Variants in ARHGAP22 observed in about 807,000 individuals in gnomAD.
The protein encoded by ARHGAP22 is rho GTPase-activating protein 22.
In ARHGAP22, 48 loss-of-function variants were observed where a neutral mutation model predicts 59.1. The observed-to-expected ratio is 0.81, with a 90% confidence interval of 0.64 to 1.03. ARHGAP22 has a LOEUF of 1.03. Ranked by LOEUF, ARHGAP22 falls within the 50% of genes least tolerant of loss-of-function variation. ARHGAP22 has a pLI of 0.00. For missense variants in ARHGAP22, 1,015 were observed against 958.7 expected, an observed-to-expected ratio of 1.06 and a Z score of -0.78; for synonymous variants, 445 against 416.4, an observed-to-expected ratio of 1.07 and a Z score of -0.84.
At chr10:48,504,861 G>C (rs1385260463) in intron 3 of ARHGAP22, among the ~76,000 whole-genome samples, 1 of 152,066 alleles carries the variant, frequency 6.6e-6, no homozygotes, top group Non-Finnish European at 1.5e-5. Flanking sequence ...CATAAGTTGG[G>C]GGTGAGCTGA....
At chr10:48,613,684 AG>A (rs1379670845) in intron 1 of ARHGAP22, among the ~76,000 whole-genome samples, 1 of 151,056 alleles carries the variant, frequency 6.6e-6, no homozygotes, top group Non-Finnish European at 1.5e-5. Flanking sequence ...AAAAAAAAAA[AG>A]AATAGAAAAA....
At chr10:48,590,978 C>T (rs959584670) in intron 1 of ARHGAP22, among the ~76,000 whole-genome samples, 12 of 152,268 alleles carry the variant, frequency 7.9e-5, no homozygotes, top group African/African-American at 2.2e-4. Context: ...CTCAGATGTT[C>T]GAATTGAGGC....
chr10:48,514,778 A>C (rs2053126544), intron 3 of ARHGAP22, among the ~76,000 whole-genome samples: 1 of 152,230 alleles, frequency 6.6e-6, no homozygotes, highest in Non-Finnish European at 1.5e-5. Flanking sequence ...AGATATAGTT[A>C]GTATGGCAAT....
intron 2 of ARHGAP22, among the ~76,000 whole-genome samples, chr10:48,561,893 G>A (rs1039443183): frequency 2.6e-5 from 4 of 152,190 alleles, no homozygotes; most frequent in African/African-American, 9.7e-5. Context: ...AATGTTAAAC[G>A]ACAATCACTT....
intron 1 of ARHGAP22, among the ~76,000 whole-genome samples, chr10:48,600,480 T>C (rs1259774513): frequency 1.3e-5 from 2 of 151,940 alleles, no homozygotes; most frequent in African/African-American, 4.8e-5. Context: ...CATTTTACTC[T>C]GTAAATTATG....
At chr10:48,577,128 GA>G (rs1278197850) in intron 2 of ARHGAP22, among the ~76,000 whole-genome samples, 1 of 151,812 alleles carries the variant, frequency 6.6e-6, no homozygotes, top group Non-Finnish European at 1.5e-5. Flanking sequence ...CTTCTTCCTA[GA>G]AGTGTCAAGT....
chr10:48,615,954 GAA>G (rs58490945), intron 1 of ARHGAP22, among the ~76,000 whole-genome samples: 39 of 125,822 alleles, frequency 3.1e-4, no homozygotes, highest in African/African-American at 7.8e-4. Flanking sequence ...CTGAGGAACA[GAA>G]AAAAAAAAAA....
At position 48,454,136 on chromosome 10, in the gene ARHGAP22, A is replaced by G; in HGVS notation, c.818T>C (p.Val273Ala). Residue 273 changes from valine to alanine, a missense_variant, in exon 7 of 10, where the codon GTG (valine) becomes GCG (alanine). Val to Ala is a moderately conservative substitution (Grantham distance 64). Transcript: ENST00000249601. Reference sequence around the variant, plus strand: ...GTAATTTGCCTGAGGAAGGTTGCTCACTTGTTTAGCCAACTCCAGAGTGCC... The same window carrying G: ...GTAATTTGCCTGAGGAAGGTTGCTCGCTTGTTTAGCCAACTCCAGAGTGCC... ...GEGTLELAKQ[V>A]SNLPQANYNL... is the part of the protein sequence containing the mutation. 1 of 1,614,046 alleles carries G rather than the reference A, an allele frequency of 6.2e-7. No homozygotes were observed. The highest frequency in any genetic ancestry group is 1.1e-5 in the South Asian group (1 of 91,078).
At chr10:48,480,862 C>T (rs1438954100) in intron 3 of ARHGAP22, among the ~76,000 whole-genome samples, 1 of 152,244 alleles carries the variant, frequency 6.6e-6, no homozygotes, top group Non-Finnish European at 1.5e-5. Context: ...ACTCTGGGCT[C>T]TCAGCCATCC....
chr10:48,470,990 A>C (rs1435094608), intron 4 of ARHGAP22, among the ~76,000 whole-genome samples: 1 of 152,220 alleles, frequency 6.6e-6, no homozygotes, highest in Non-Finnish European at 1.5e-5. Context: ...CATTCCATCA[A>C]ATGATGACCA....
At chr10:48,480,552 C>T (rs142366842) in intron 3 of ARHGAP22, among the ~76,000 whole-genome samples, 5 of 152,356 alleles carry the variant, frequency 3.3e-5, no homozygotes, top group African/African-American at 9.6e-5. Flanking sequence ...GATCCACAGA[C>T]CTGTGTTCCC....
chr10:48,600,345 T>C (rs1367800866), intron 1 of ARHGAP22, among the ~76,000 whole-genome samples: 1 of 152,138 alleles, frequency 6.6e-6, no homozygotes, highest in African/African-American at 2.4e-5. Context: ...CAGAAAAGTG[T>C]CACTCTGGTT....
intron 1 of ARHGAP22, among the ~76,000 whole-genome samples, chr10:48,600,471 A>C (rs187353940): frequency 6.6e-6 from 1 of 152,096 alleles, no homozygotes; most frequent in East Asian, 1.9e-4. Context: ...AGATTTGTGC[A>C]TTTTACTCTG....
At chr10:48,531,283 G>A (rs2054822690) in intron 3 of ARHGAP22, among the ~76,000 whole-genome samples, 1 of 152,196 alleles carries the variant, frequency 6.6e-6, no homozygotes, top group Non-Finnish European at 1.5e-5. Flanking sequence ...AGGGTGGCAG[G>A]AGGCTGAGGG....
At chr10:48,469,282 A>G (rs1340009683) in intron 4 of ARHGAP22, among the ~76,000 whole-genome samples, 1 of 152,200 alleles carries the variant, frequency 6.6e-6, no homozygotes, top group Non-Finnish European at 1.5e-5. Flanking sequence ...GGCCCTGCCA[A>G]TGCCCACCCC....
chr10:48,434,091 G>A, the ARHGAP22 span, among the ~76,000 whole-genome samples: 1 of 152,154 alleles, frequency 6.6e-6, no homozygotes, highest in Admixed American at 6.5e-5. Flanking sequence ...GAGGATTTCT[G>A]TCTCGAGCTC....
chr10:48,560,248 G>A (rs575308749), intron 2 of ARHGAP22, among the ~76,000 whole-genome samples: 9 of 152,252 alleles, frequency 5.9e-5, no homozygotes, highest in African/African-American at 2.2e-4. Flanking sequence ...AATGCCTACT[G>A]GGATTGTGAT....
intron 2 of ARHGAP22, among the ~76,000 whole-genome samples, chr10:48,568,212 G>A (rs1588822984): frequency 6.6e-6 from 1 of 152,162 alleles, no homozygotes; most frequent in African/African-American, 2.4e-5. Flanking sequence ...CGTGTAGTAC[G>A]CACTTCCTGC....
intron 3 of ARHGAP22, among the ~76,000 whole-genome samples, chr10:48,518,155 G>A (rs1867583): frequency 6.6e-6 from 1 of 151,990 alleles, no homozygotes; most frequent in African/African-American, 2.4e-5. Flanking sequence ...AAGCCTCAAG[G>A]TTCAGTCTCC....
Sources: allele counts gnomAD v4.1 joint callset (sites outside exome capture counted in the v4.1 genomes callset), GRCh38; gene constraint gnomAD v4.1.1; transcripts MANE v1.5; gene names NCBI Gene and HGNC (gene_info 2026-07-23, HGNC 2026-07-21).